PRDM8: variants seen among roughly 807,000 people sequenced by gnomAD.
PRDM8 encodes the protein PR domain zinc finger protein 8.
Under a neutral mutation model 46.5 loss-of-function variants are expected in PRDM8, and 13 were observed. That is an observed-to-expected ratio of 0.28 (90% CI 0.18 to 0.44). The LOEUF (loss-of-function observed/expected upper bound fraction) is 0.44. Ranked by LOEUF, PRDM8 falls within the 20% of genes least tolerant of loss-of-function variation. PRDM8 has a pLI of 1.00. For synonymous variants in PRDM8, 473 were observed against 438.4 expected (o/e 1.08, Z -0.98); for missense variants, 998 against 955.0 (o/e 1.04, Z -0.59).
intron 1 of PRDM8, among the ~76,000 whole-genome samples, chr4:80,198,986 T>G (rs1738199972): frequency 9.8e-6 from 1 of 101,662 alleles, no homozygotes; most frequent in Admixed American, 1.2e-4. Context: ...TTGGGTTTTT[T>G]TTTTTTTGTT....
upstream of PRDM8, chr4:80,196,072 C>G (rs540865130): frequency 2.4e-5 from 24 of 985,224 alleles, no homozygotes; most frequent in Admixed American, 6.1e-5. Flanking sequence ...CCTCAATACC[C>G]CACTGAGTTC....
chr4:80,187,807 C>T (rs893089904), intron 1 of PRDM8, among the ~76,000 whole-genome samples: 1 of 152,182 alleles, frequency 6.6e-6, no homozygotes, highest in African/African-American at 2.4e-5. Flanking sequence ...CATAAAGTCA[C>T]TCAGAAATGC....
At chr4:80,196,584 T>C, upstream of PRDM8, 1 of 985,448 alleles carries the variant, frequency 1.0e-6, no homozygotes, top group Non-Finnish European at 1.2e-6. Context: ...TGTGAAAAGC[T>C]TTCCGGAGCC....
At chr4:80,189,629 A>G (rs1737395802) in intron 1 of PRDM8, 1 of 152,254 alleles carries the variant, frequency 6.6e-6, no homozygotes. Flanking sequence ...GGCATTTAGT[A>G]TGTACCAAGC....
Position 80,203,440 on chromosome 4 carries a change from C to A in PRDM8, c.1978C>A (p.Arg660=), listed in dbSNP as rs769686863. The A allele has an allele frequency of 6.2e-7, 1 of 1,613,468 alleles. No individual in the cohort carries two copies. Among genetic ancestry groups the A allele is most frequent in the South Asian group, 1.1e-5 (1 of 90,844 alleles). ...GTATGCGATGGAGCCCTTGGTGAAG[C>A]GGCGGCGAGAGGAGAAACTCAAGTG... The part of the protein sequence containing the change: ...KEYAMEPLVK[R]RREEKLKCPI... The change falls in exon 4 of 4, where the codon CGG becomes AGG. Residue 660 remains arginine, a synonymous_variant. Transcript: ENST00000415738.
chr4:80,192,091 C>T (rs952496449), intron 2 of PRDM8, among the ~76,000 whole-genome samples: 2 of 152,106 alleles, frequency 1.3e-5, no homozygotes, highest in Admixed American at 1.3e-4. Context: ...GGAAAGTGTA[C>T]CATGGGTTTA....
Position 80,202,439 on chromosome 4 carries a change from G to T in PRDM8, c.977G>T (p.Gly326Val). ...GAGGAGGCGGCGGAGGGCGGCGGTGGCGCTGGTCTGGTAGGGGGCCGGGGC... is the reference window on the plus strand; with the variant it reads ...GAGGAGGCGGCGGAGGGCGGCGGTGTCGCTGGTCTGGTAGGGGGCCGGGGC... ...FPEEAAEGGGGAGLVGGRGRF... is the reference protein window; with the variant it reads ...FPEEAAEGGGVAGLVGGRGRF... Residue 326 changes from glycine to valine, a missense_variant, in exon 4 of 4, where the codon GGC becomes GTC. Coordinates refer to ENST00000415738, the MANE Select transcript of PRDM8 (RefSeq NM_001099403.2). The T allele has an allele frequency of 6.5e-7, 1 of 1,547,530 alleles. No homozygotes were observed. The highest frequency in any genetic ancestry group is 1.4e-5 in the African/African-American group (1 of 73,022).
intron 3 of PRDM8, 120 bp from the exon 4 acceptor site, chr4:80,201,794 G>C (rs1738477057): frequency 7.1e-7 from 1 of 1,416,860 alleles, no homozygotes; most frequent in Non-Finnish European, 9.8e-7. Flanking sequence ...AGAAATGAAG[G>C]TGGATTTGTC....
In PRDM8 at chr4:80,202,443, T is replaced by C; in HGVS notation, c.981T>C (p.Ala327=). The change falls in exon 4 of 4, where the codon GCT becomes GCC. Residue 327 remains alanine, a synonymous_variant. Coordinates refer to ENST00000415738, the MANE Select transcript of PRDM8 (RefSeq NM_001099403.2). ...PEEAAEGGGG[A]GLVGGRGRFV... Reference sequence around the variant, plus strand: ...AGGCGGCGGAGGGCGGCGGTGGCGCTGGTCTGGTAGGGGGCCGGGGCCGCT... The same window carrying C: ...AGGCGGCGGAGGGCGGCGGTGGCGCCGGTCTGGTAGGGGGCCGGGGCCGCT... 1 of 1,545,892 alleles carries C rather than the reference T, an allele frequency of 6.5e-7. No individual in the cohort carries two copies. The highest frequency in any genetic ancestry group is 8.7e-7 in the Non-Finnish European group (1 of 1,146,372).
At position 80,202,069 on chromosome 4, in the gene PRDM8, G is replaced by C; in HGVS notation, c.607G>C (p.Gly203Arg). The change falls in exon 4 of 4, where the codon GGG (glycine) becomes CGG (arginine). Residue 203 changes from glycine to arginine, a missense_variant. Coordinates refer to ENST00000415738, the MANE Select transcript of PRDM8 (RefSeq NM_001099403.2). Reference protein sequence around the residue: ...QGGGVGTKDHGGGGGGGKDQQ... With the variant: ...QGGGVGTKDHRGGGGGGKDQQ... ...CGGCGGCGTGGGCACCAAGGACCAC[G>C]GGGGCGGCGGCGGCGGTGGCAAAGA... is the stretch of plus-strand genomic sequence containing the variant. 6.2e-7 allele frequency: 1 copy of C among 1,613,668 alleles called. No individual in the cohort carries two copies. The highest frequency in any genetic ancestry group is 8.5e-7 in the Non-Finnish European group (1 of 1,179,900).
At position 80,203,330 on chromosome 4, in the gene PRDM8, C is replaced by T; in HGVS notation, c.1868C>T (p.Ala623Val). Residue 623 changes from alanine (A) to valine (V), a missense_variant, in exon 4 of 4, where the codon GCG (alanine) becomes GTG (valine). Ala to Val is a moderately conservative substitution (Grantham distance 64). Coordinates refer to ENST00000415738, the MANE Select transcript of PRDM8 (RefSeq NM_001099403.2). Reference sequence around the variant, plus strand: ...TCCTTCACCTCGCTGTGTCTGCCCGCGCAGAACTGGTGCGCCAAGTGCAAT... The same window carrying T: ...TCCTTCACCTCGCTGTGTCTGCCCGTGCAGAACTGGTGCGCCAAGTGCAAT... ...PPSFTSLCLP[A>V]QNWCAKCNAS... The T allele has an allele frequency of 6.2e-7, 1 of 1,613,750 alleles. No homozygotes were observed. Among genetic ancestry groups the T allele is most frequent in the Non-Finnish European group, 8.5e-7 (1 of 1,179,966 alleles).
Position 80,197,723 on chromosome 4 carries a change from G to A in PRDM8, c.-43G>A. On this transcript the variant is annotated 5_prime_UTR_variant, in exon 1 of 4. Coordinates refer to ENST00000415738, the MANE Select transcript of PRDM8 (RefSeq NM_001099403.2). ...ACTCGATTGCATCTTCCCGGTTCCA[G>A]GTGGCCTTATTTGGGAGATTCTATA... The A allele has an allele frequency of 2.0e-6, 2 of 982,948 alleles. No individual in the cohort carries two copies. The highest frequency in any genetic ancestry group is 2.4e-6 in the Non-Finnish European group (2 of 827,292). 60.9% of individuals were successfully genotyped at this position (982,948 alleles called of 1,614,324 possible). A position where few individuals can be genotyped will look rare whatever the true frequency, so the allele number is the denominator to read the frequency against.
upstream of PRDM8, among the ~76,000 whole-genome samples, chr4:80,195,605 C>T (rs1220868705): frequency 3.3e-5 from 5 of 151,846 alleles, no homozygotes; most frequent in South Asian, 8.3e-4. Flanking sequence ...ATTGGTAGCT[C>T]AGTATAGCTG....
rs373367196 is a variant in PRDM8 at position 80,188,824 on chromosome 4, T to C, written c.-982-2648T>C. 2.5e-4 allele frequency among the ~76,000 whole-genome samples: 38 copies of C among 152,324 alleles called. No individual in the cohort carries two copies. The East Asian group carries it at 6.2e-3, about 25-fold the overall frequency. On this transcript the variant is annotated intron_variant, in intron 1 of 9. Transcript: ENST00000339711. ...TAGGAGAAGGAGGCTCCGCCGGGCATCGCGAGCCAGACAGGGAGCTCCGTC... is the reference window on the plus strand; with the variant it reads ...TAGGAGAAGGAGGCTCCGCCGGGCACCGCGAGCCAGACAGGGAGCTCCGTC...
upstream of PRDM8, among the ~76,000 whole-genome samples, chr4:80,193,099 AG>A (rs1191956978): frequency 1.3e-5 from 2 of 152,216 alleles, no homozygotes; most frequent in Admixed American, 6.5e-5. Context: ...ATCATTTACG[AG>A]GAAAAGCCCA....
At chr4:80,201,747 C>G (rs1738471873) in intron 3 of PRDM8, among the ~76,000 whole-genome samples, 167 bp from the exon 4 acceptor site, 5 of 152,070 alleles carry the variant, frequency 3.3e-5, no homozygotes, top group Admixed American at 2.0e-4. Context: ...AAAGTTAGAT[C>G]AGGTTGGTCA....
upstream of PRDM8, among the ~76,000 whole-genome samples, chr4:80,193,415 A>G (rs2109867943): frequency 6.6e-6 from 1 of 152,282 alleles, no homozygotes; most frequent in South Asian, 2.1e-4. Flanking sequence ...TGTAAAACAA[A>G]CAAACAAACC....
At position 80,202,644 on chromosome 4, in the gene PRDM8, C is replaced by G. The variant is rs1488435172; in HGVS notation, c.1182C>G (p.Arg394=). 2 of 1,505,930 alleles carry G rather than the reference C, an allele frequency of 1.3e-6. No individual in the cohort carries two copies. The highest frequency in any genetic ancestry group is 4.1e-5 in the Admixed American group (2 of 48,288). 93.3% of individuals were successfully genotyped at this position (1,505,930 alleles called of 1,614,324 possible). A position where few individuals can be genotyped will look rare whatever the true frequency, so the allele number is the denominator to read the frequency against. ...TCGTGGAGGTGAAGAAGGCTGCCCG[C>G]GCGGCCAGCCTGCAGGAGGAGGGGA... is the stretch of plus-strand genomic sequence containing the variant. The part of the protein sequence containing the change: ...SAFVEVKKAA[R]AASLQEEGTA... Residue 394 remains arginine (R), a synonymous_variant, in exon 4 of 4, where the codon CGC becomes CGG. Coordinates refer to ENST00000415738, the MANE Select transcript of PRDM8 (RefSeq NM_001099403.2).
rs1413112507 is a variant in PRDM8 at position 80,198,980 on chromosome 4, GT to G, written c.-2-1086del. ...AATTTAAATACCTGGGTTTTTTTGG[GT>G]TTTTTTTTTTTTGTTTTTTTTTTTT... On this transcript the variant is annotated intron_variant, in intron 1 of 3. Coordinates refer to ENST00000415738, the MANE Select transcript of PRDM8 (RefSeq NM_001099403.2). 7.5e-3 allele frequency among the ~76,000 whole-genome samples: 786 copies of G among 104,118 alleles called. 9 individuals carry two copies. The highest frequency in any genetic ancestry group is 0.012 in the Non-Finnish European group (634 of 53,522). The allele number at this position is 104,118 out of a possible 152,430, so 68.3% of individuals were successfully genotyped here.
Sources: allele counts gnomAD v4.1 joint callset (sites outside exome capture counted in the v4.1 genomes callset), GRCh38; gene constraint gnomAD v4.1.1; transcripts MANE v1.5; gene names NCBI Gene and HGNC (gene_info 2026-07-23, HGNC 2026-07-21).